The following ZHX2 variants were observed in gnomAD, a reference collection of about 807,000 sequenced individuals.
ZHX2 encodes zinc fingers and homeoboxes 2.
A neutral mutation model predicts 21.9 loss-of-function variants in ZHX2; 6 were observed. That is an observed-to-expected ratio of 0.27 (90% CI 0.15 to 0.54). The LOEUF (loss-of-function observed/expected upper bound fraction) is 0.54, where lower values mean the gene tolerates loss of function less well. Ranked by LOEUF, ZHX2 falls within the 20% of genes least tolerant of loss-of-function variation. ZHX2 has a pLI of 0.95. For missense variants in ZHX2, 908 were observed against 1,090.7 expected, an observed-to-expected ratio of 0.83 and a Z score of 2.36; for synonymous variants, 434 against 437.1, an observed-to-expected ratio of 0.99 and a Z score of 0.09.
At chr8:122,798,999 C>T (rs561343551) in intron 1 of ZHX2, among the ~76,000 whole-genome samples, 2 of 152,256 alleles carry the variant, frequency 1.3e-5, no homozygotes, top group East Asian at 3.9e-4. Flanking sequence ...AATGGAGGCC[C>T]TCTCTAGGCT....
At chr8:122,792,411 A>G (rs1218266301) in intron 1 of ZHX2, among the ~76,000 whole-genome samples, 2 of 152,172 alleles carry the variant, frequency 1.3e-5, no homozygotes, top group South Asian at 4.1e-4. Flanking sequence ...TATGGTGATT[A>G]TGATGCTGCT....
At chr8:122,871,280 A>G (rs1051089996) in intron 2 of ZHX2, among the ~76,000 whole-genome samples, 2 of 151,946 alleles carry the variant, frequency 1.3e-5, no homozygotes, top group Non-Finnish European at 2.9e-5. Context: ...AACCAACCCA[A>G]ATGTCCATCA....
Position 122,915,545 on chromosome 8 carries a change from C to CATGTGG in ZHX2, c.-219-35745_-219-35740dup, listed in dbSNP as rs1820580128. On this transcript the variant is annotated intron_variant, in intron 2 of 3. Coordinates refer to ENST00000314393, the MANE Select transcript of ZHX2 (RefSeq NM_014943.5). ...TCCTGTCCTGATCCTTTGGGGATTT[C>CATGTGG]ATGTGGAAAATCGTTCATCTCTTTC... Among the ~76,000 whole-genome samples the CATGTGG allele has an allele frequency of 2.0e-5, 3 of 152,188 alleles. No individual in the cohort carries two copies. The South Asian group carries it at 6.2e-4, about 32-fold the overall frequency.
chr8:122,851,770 G>A (rs1818908327), intron 1 of ZHX2, among the ~76,000 whole-genome samples: 1 of 152,222 alleles, frequency 6.6e-6, no homozygotes, highest in South Asian at 2.1e-4. Flanking sequence ...CTCAGAAAGA[G>A]TAAATAAATG....
At chr8:122,876,107 T>A (rs56384254) in intron 2 of ZHX2, among the ~76,000 whole-genome samples, 24,565 of 107,252 alleles carry the variant, frequency 0.23, 2,533 homozygotes, top group Admixed American at 0.3. Flanking sequence ...ACCTACTCAC[T>A]CATCCATCCA....
chr8:122,847,421 G>A (rs1325624090), intron 1 of ZHX2, among the ~76,000 whole-genome samples: 1 of 152,098 alleles, frequency 6.6e-6, no homozygotes, highest in African/African-American at 2.4e-5. Flanking sequence ...TCTCCAACAG[G>A]TTTCTCCAAT....
At chr8:122,919,722 G>A (rs1317276479) in intron 2 of ZHX2, among the ~76,000 whole-genome samples, 1 of 152,192 alleles carries the variant, frequency 6.6e-6, no homozygotes, top group Non-Finnish European at 1.5e-5. Flanking sequence ...AAGATACAGG[G>A]CCCAAAAGTA....
At chr8:122,837,781 A>T (rs12550039) in intron 1 of ZHX2, among the ~76,000 whole-genome samples, 55,027 of 152,052 alleles carry the variant, frequency 0.36, 10,709 homozygotes, top group Admixed American at 0.5. Flanking sequence ...TTGCCAACAG[A>T]TAATGTCTCC....
At chr8:122,917,348 A>G (rs1820631129) in intron 2 of ZHX2, among the ~76,000 whole-genome samples, 1 of 151,446 alleles carries the variant, frequency 6.6e-6, no homozygotes, top group African/African-American at 2.4e-5. Flanking sequence ...CAGCATCTAC[A>G]TTATGATCTG....
Position 122,952,780 on chromosome 8 carries a change from G to T in ZHX2, c.1270G>T (p.Ala424Ser). ...AAPEPKRPHI[A>S]QVPEPPPKVA... The stretch of plus-strand genomic sequence containing the variant: ...CCCCGAACCCAAGCGTCCACACATC[G>T]CTCAGGTGCCAGAGCCCCCACCCAA... Residue 424 changes from alanine (A) to serine (S), a missense_variant, in exon 3 of 4, where the codon GCT becomes TCT. Transcript: ENST00000314393. The surrounding 1 kb of genome is among the most constrained non-coding windows in gnomAD (Gnocchi z 6.9). The T allele has an allele frequency of 6.2e-7, 1 of 1,613,910 alleles. No homozygotes were observed. Among genetic ancestry groups the T allele is most frequent in the Non-Finnish European group, 8.5e-7 (1 of 1,179,996 alleles).
At chr8:122,874,561 G>A (rs1819519722) in intron 2 of ZHX2, among the ~76,000 whole-genome samples, 1 of 152,156 alleles carries the variant, frequency 6.6e-6, no homozygotes, top group Admixed American at 6.5e-5. Flanking sequence ...TCGAACTGCT[G>A]ACCTCAAGTG....
intron 1 of ZHX2, among the ~76,000 whole-genome samples, chr8:122,863,014 A>G (rs1357671907): frequency 6.6e-6 from 1 of 152,068 alleles, no homozygotes; most frequent in East Asian, 1.9e-4. Context: ...GGATATAAAT[A>G]CGCTTTGGGG....
intron 3 of ZHX2, among the ~76,000 whole-genome samples, chr8:122,972,548 A>T (rs1014006119): frequency 6.6e-6 from 1 of 152,176 alleles, no homozygotes; most frequent in African/African-American, 2.4e-5. Context: ...AATAATATTT[A>T]CACCTCTTAG....
chr8:122,856,316 C>T (rs1210074700), intron 1 of ZHX2, among the ~76,000 whole-genome samples: 2 of 152,126 alleles, frequency 1.3e-5, no homozygotes, highest in African/African-American at 4.8e-5. Context: ...GCAGACACAC[C>T]CATTGTCAAA....
At chr8:122,947,980 G>A (rs1399632092) in intron 2 of ZHX2, among the ~76,000 whole-genome samples, 1 of 152,106 alleles carries the variant, frequency 6.6e-6, no homozygotes, top group African/African-American at 2.4e-5. Flanking sequence ...AAAAAGAAAC[G>A]GCTGCCCTCT....
In ZHX2 at chr8:122,952,934, T is replaced by C. The variant is rs201501365; in HGVS notation, c.1424T>C (p.Val475Ala). The C allele has an allele frequency of 2.6e-5, 42 of 1,613,980 alleles. No homozygotes were observed. The African/African-American group carries it at 4.0e-4, about 15-fold the overall frequency. Residue 475 changes from valine to alanine, a missense_variant, in exon 3 of 4, where the codon GTG becomes GCG. Coordinates refer to ENST00000314393, the MANE Select transcript of ZHX2 (RefSeq NM_014943.5). This position sits in a 1 kb window ranked among gnomAD's most constrained non-coding sequence, Gnocchi z 6.9. ...GCCGAGGTTTACCGGCTCATCGAGG[T>C]GACTGGCCTTGCCAGGAGCGAGATC... The part of the protein sequence containing the change: ...DDAEVYRLIE[V>A]TGLARSEIKK...
intron 3 of ZHX2, among the ~76,000 whole-genome samples, chr8:122,955,079 G>C (rs796164534): frequency 4.2e-5 from 6 of 143,280 alleles, no homozygotes; most frequent in Non-Finnish European, 6.1e-5. Context: ...CGGGGGGGGG[G>C]GGGTGGCAGG....
intron 2 of ZHX2, among the ~76,000 whole-genome samples, chr8:122,887,089 G>A (rs929681888): frequency 2.3e-5 from 3 of 129,310 alleles, no homozygotes; most frequent in African/African-American, 8.5e-5. Flanking sequence ...GTGTGTGTGT[G>A]TGTGTACATG....
In ZHX2 at chr8:122,822,725, C is replaced by T. The variant is rs1033610857; in HGVS notation, c.-282-40752C>T. ...ATCTGTCTCTGCATTGACTTCTTGC[C>T]GGGTGAATGTGGGAAGCCAGCGACA... On this transcript the variant is annotated intron_variant, in intron 1 of 3. Coordinates refer to ENST00000314393, the MANE Select transcript of ZHX2 (RefSeq NM_014943.5). Among the ~76,000 whole-genome samples, 12 of 152,264 alleles carry T rather than the reference C, an allele frequency of 7.9e-5. No homozygotes were observed. The East Asian group carries it at 1.5e-3, about 20-fold the overall frequency.
Sources: gnomAD v4.1 joint callset for allele counts (sites outside exome capture counted in the v4.1 genomes callset) on GRCh38, gnomAD v4.1.1 for gene constraint, Gnocchi (gnomAD v3.1) non-coding constraint, MANE v1.5 for transcripts, NCBI Gene and HGNC (gene_info 2026-07-23, HGNC 2026-07-21) for gene names.